The following RCBTB1 variants were observed in gnomAD, a reference collection of about 807,000 sequenced individuals.
RCBTB1 encodes the protein RCC1 and BTB domain-containing protein 1.
In RCBTB1, 46 loss-of-function variants were observed where a neutral mutation model predicts 62.4. That is an observed-to-expected ratio of 0.74 (90% CI 0.58 to 0.94). The LOEUF is 0.94. RCBTB1 is among the 40% of genes least tolerant of loss of function. The pLI, the probability that RCBTB1 is intolerant of heterozygous loss-of-function variation, is 0.00. For synonymous variants in RCBTB1, 222 were observed against 245.8 expected, an observed-to-expected ratio of 0.90 and a Z score of 0.91; for missense variants, 565 against 654.9, an observed-to-expected ratio of 0.86 and a Z score of 1.50.
chr13:49,583,106 G>A (rs544697868), intron 1 of RCBTB1, among the ~76,000 whole-genome samples: 2 of 152,270 alleles, frequency 1.3e-5, no homozygotes, highest in South Asian at 4.1e-4. Flanking sequence ...GGGAGTTTGA[G>A]GCTGCAGTGA....
At chr13:49,566,420 T>G (rs946362697) in intron 4 of RCBTB1, among the ~76,000 whole-genome samples, 198 bp downstream of exon 4, 5 of 152,228 alleles carry the variant, frequency 3.3e-5, no homozygotes, top group African/African-American at 1.2e-4. Flanking sequence ...GAAGTTTGCC[T>G]AATTTGCAAG....
At chr13:49,565,950 T>C (rs1255503760) in intron 4 of RCBTB1, among the ~76,000 whole-genome samples, 1 of 151,292 alleles carries the variant, frequency 6.6e-6, no homozygotes, top group East Asian at 1.9e-4. Flanking sequence ...ATGCTGTTGA[T>C]CTATGACCTT....
chr13:49,561,062 G>C (rs945893237), intron 4 of RCBTB1, among the ~76,000 whole-genome samples: 1 of 152,126 alleles, frequency 6.6e-6, no homozygotes, highest in Non-Finnish European at 1.5e-5. Context: ...GTTATCTCTT[G>C]AAGTATCATC....
At chr13:49,551,579 G>T in intron 7 of RCBTB1, 111 bp from the exon 8 acceptor site, 1 of 1,209,974 alleles carries the variant, frequency 8.3e-7, no homozygotes, top group Non-Finnish European at 1.2e-6. Flanking sequence ...ATCATCAGGG[G>T]TGGACTGACA....
intron 12 of RCBTB1, among the ~76,000 whole-genome samples, chr13:49,539,689 TCAGGGTGTCACAGGAAGGA>T (rs1960205477): frequency 6.6e-6 from 1 of 152,166 alleles, no homozygotes; most frequent in African/African-American, 2.4e-5. Flanking sequence ...ATAAAGAGGT[TCAGGGTGTCACAGGAAGGA>T]CAGGAAAAAA....
Position 49,567,244 on chromosome 13 carries a change from T to C in RCBTB1, c.36A>G (p.Leu12=). The C allele has an allele frequency of 6.2e-7, 1 of 1,613,390 alleles. No homozygotes were observed. The highest frequency in any genetic ancestry group is 8.5e-7 in the Non-Finnish European group (1 of 1,179,844). Residue 12 remains leucine (L), a synonymous_variant, in exon 3 of 13, where the codon CTA becomes CTG. Transcript: ENST00000378302. ...TAGACGCGATCTCTTGAGGGGAGAG[T>C]AGAGTGAAGATGGGCCACTTTCCGA... ...VDVGKWPIFT[L]LSPQEIASIR...
intron 1 of RCBTB1, among the ~76,000 whole-genome samples, chr13:49,581,301 A>G (rs1292777761): frequency 1.3e-5 from 2 of 152,118 alleles, no homozygotes; most frequent in Non-Finnish European, 2.9e-5. Flanking sequence ...CAAGAAGGAA[A>G]ATCAAGAAGA....
At chr13:49,570,166 C>T (rs1963303655) in intron 2 of RCBTB1, among the ~76,000 whole-genome samples, 1 of 152,130 alleles carries the variant, frequency 6.6e-6, no homozygotes, top group Admixed American at 6.5e-5. Flanking sequence ...AAAATTACAA[C>T]ACAAAAGGTA....
intron 6 of RCBTB1, among the ~76,000 whole-genome samples, chr13:49,554,251 A>G (rs9596141): frequency 0.24 from 37,264 of 152,150 alleles, 5,908 homozygotes; most frequent in African/African-American, 0.44. Flanking sequence ...GAAACTATTA[A>G]CAAGATTGGG....
Position 49,533,499 on chromosome 13 carries a change from C to G in RCBTB1, c.*623G>C, listed in dbSNP as rs1959704474. The G allele has an allele frequency of 6.6e-6, 1 of 152,180 alleles. No individual in the cohort carries two copies. The highest frequency in any genetic ancestry group is 2.1e-4 in the South Asian group (1 of 4,828). The allele number at this position is 152,180 out of a possible 1,614,324, so 9.4% of individuals were successfully genotyped here. On this transcript the variant is annotated 3_prime_UTR_variant, in exon 13 of 13. Transcript: ENST00000378302. ...ATCTTGACTAACCTAGAATATTTATCTTTACATAATTATCATTTCAACAGG... is the reference window on the plus strand; with the variant it reads ...ATCTTGACTAACCTAGAATATTTATGTTTACATAATTATCATTTCAACAGG...
chr13:49,556,075 G>C (rs1183850118), intron 5 of RCBTB1, among the ~76,000 whole-genome samples: 1 of 152,136 alleles, frequency 6.6e-6, no homozygotes, highest in East Asian at 1.9e-4. Flanking sequence ...ATACGAATGT[G>C]GCATCAATAG....
At chr13:49,568,905 G>T (rs949713000) in intron 2 of RCBTB1, among the ~76,000 whole-genome samples, 42 of 152,290 alleles carry the variant, frequency 2.8e-4, no homozygotes, top group African/African-American at 9.1e-4. Flanking sequence ...CTCCAGCCTG[G>T]TGACAGAGCG....
intron 2 of RCBTB1, among the ~76,000 whole-genome samples, chr13:49,569,718 C>A (rs550905472): frequency 2.5e-4 from 33 of 131,740 alleles, no homozygotes; most frequent in East Asian, 8.5e-4. Flanking sequence ...GACCCTGTCT[C>A]AAAAAAAAAA....
chr13:49,550,139 C>T lies in RCBTB1; in HGVS notation c.855-491G>A, dbSNP rs182575769. Among the ~76,000 whole-genome samples, 12 of 152,132 alleles carry T rather than the reference C, an allele frequency of 7.9e-5. No individual in the cohort carries two copies. The South Asian group carries it at 8.3e-4, about 11-fold the overall frequency. On this transcript the variant is annotated intron_variant, in intron 8 of 12. Coordinates refer to ENST00000378302, the MANE Select transcript of RCBTB1 (RefSeq NM_018191.4). ...CAGACCACAGCTGCACCACCATACCCGGCTAAGTTTTGTATTTTTTATAGA... is the reference window on the plus strand; with the variant it reads ...CAGACCACAGCTGCACCACCATACCTGGCTAAGTTTTGTATTTTTTATAGA...
In RCBTB1 at chr13:49,567,208, C is replaced by G; in HGVS notation, c.72G>C (p.Ala24=). 3 of 1,613,838 alleles carry G rather than the reference C, an allele frequency of 1.9e-6. No individual in the cohort carries two copies. In the South Asian group the frequency reaches 3.3e-5, roughly 18 times the overall value. ...CACTGGCTGAGGTGCCGAAGACACA[C>G]GCCTTCCGAATAGACGCGATCTCTT... is the stretch of plus-strand genomic sequence containing the variant. ...SPQEIASIRK[A]CVFGTSASEA... Residue 24 remains alanine (A), a synonymous_variant, in exon 3 of 13, where the codon GCG becomes GCC. Transcript: ENST00000378302.
chr13:49,557,407 A>C (rs1031699802), intron 5 of RCBTB1, among the ~76,000 whole-genome samples: 6 of 152,212 alleles, frequency 3.9e-5, no homozygotes, highest in Non-Finnish European at 7.3e-5. Flanking sequence ...GACAGAATCA[A>C]TAGGATGAGT....
At chr13:49,576,728 A>G (rs183147734) in intron 2 of RCBTB1, among the ~76,000 whole-genome samples, 78 of 152,236 alleles carry the variant, frequency 5.1e-4, no homozygotes, top group African/African-American at 1.8e-3. Flanking sequence ...TAAGATAGTA[A>G]TTTTTTTGCA....
intron 2 of RCBTB1, among the ~76,000 whole-genome samples, chr13:49,577,483 AC>A: frequency 6.6e-6 from 1 of 152,274 alleles, no homozygotes; most frequent in South Asian, 2.1e-4. Flanking sequence ...TGGCTTCCAC[AC>A]AGACCTCAAC....
At chr13:49,563,953 G>A (rs1304574316) in intron 4 of RCBTB1, among the ~76,000 whole-genome samples, 3 of 152,160 alleles carry the variant, frequency 2.0e-5, no homozygotes, top group Admixed American at 2.0e-4. Context: ...TCTCCCAAAT[G>A]CCACCCTAGA....
Sources: allele counts gnomAD v4.1 joint callset (sites outside exome capture counted in the v4.1 genomes callset), GRCh38; gene constraint gnomAD v4.1.1; transcripts MANE v1.5; gene names NCBI Gene and HGNC (gene_info 2026-07-23, HGNC 2026-07-21).